MAGI2: variants seen among roughly 807,000 people sequenced by gnomAD.
MAGI2 encodes the protein membrane-associated guanylate kinase, WW and PDZ domain-containing protein 2.
MAGI2 carries 35 observed loss-of-function variants against 133.3 expected under a neutral mutation model. That is an observed-to-expected ratio of 0.26 (90% confidence interval 0.20 to 0.35). The LOEUF (loss-of-function observed/expected upper bound fraction) is 0.35, where lower values mean the gene tolerates loss of function less well. MAGI2 is among the 10% of genes least tolerant of loss of function. MAGI2 has a pLI of 1.00. For synonymous variants in MAGI2, 729 were observed against 710.6 expected (o/e 1.03, Z -0.41); for missense variants, 1,636 against 1,863.4 (o/e 0.88, Z 2.25).
intron 1 of MAGI2, among the ~76,000 whole-genome samples, chr7:79,095,881 T>C (rs1318653759): frequency 6.6e-6 from 1 of 152,132 alleles, no homozygotes; most frequent in Non-Finnish European, 1.5e-5. Flanking sequence ...ATGGCACTAA[T>C]AATTTTGCTC....
chr7:78,083,387 G>GAGAGAGAGA (rs1816229048), intron 20 of MAGI2, among the ~76,000 whole-genome samples: 1 of 33,298 alleles, frequency 3.0e-5, no homozygotes, highest in African/African-American at 1.3e-4. Context: ...AGGGAGGGGG[G>GAGAGAGAGA]GAGAGAGAGA....
intron 1 of MAGI2, among the ~76,000 whole-genome samples, chr7:79,234,522 T>C (rs538074790): frequency 6.6e-6 from 1 of 151,950 alleles, no homozygotes; most frequent in South Asian, 2.1e-4. Flanking sequence ...TAAACTTCCC[T>C]TCTCGCTTCA....
intron 9 of MAGI2, among the ~76,000 whole-genome samples, chr7:78,339,999 A>T (rs770583901): frequency 4.6e-5 from 7 of 152,230 alleles, no homozygotes; most frequent in Non-Finnish European, 7.3e-5. Context: ...AAAATTAAAA[A>T]TGTCAGATGA....
intron 5 of MAGI2, among the ~76,000 whole-genome samples, chr7:78,496,405 T>C (rs1264020934): frequency 7.2e-5 from 11 of 152,158 alleles, no homozygotes; most frequent in Non-Finnish European, 1.2e-4. Context: ...GCAGTCTCTT[T>C]TGTGTCACTA....
At chr7:78,349,934 G>A (rs1200708673) in intron 7 of MAGI2, among the ~76,000 whole-genome samples, 1 of 152,190 alleles carries the variant, frequency 6.6e-6, no homozygotes, top group Non-Finnish European at 1.5e-5. Flanking sequence ...GCTCTGTGAG[G>A]TAAGTACTAG....
intron 21 of MAGI2, among the ~76,000 whole-genome samples, chr7:78,057,411 T>C (rs957847534): frequency 6.6e-6 from 1 of 152,078 alleles, no homozygotes; most frequent in Non-Finnish European, 1.5e-5. Context: ...CCTGGCTAAT[T>C]TTTTGTAATT....
At chr7:79,301,604 G>A (rs1201718602) in intron 1 of MAGI2, among the ~76,000 whole-genome samples, 2 of 152,168 alleles carry the variant, frequency 1.3e-5, no homozygotes, top group Non-Finnish European at 2.9e-5. Flanking sequence ...CTTTGCCTCA[G>A]ATGAGACTTT....
intron 2 of MAGI2, among the ~76,000 whole-genome samples, chr7:78,689,582 A>G (rs1319084807): frequency 6.6e-6 from 1 of 151,962 alleles, no homozygotes; most frequent in Admixed American, 6.6e-5. Context: ...CATGACCGTC[A>G]GGCAACTATT....
chr7:79,030,672 A>C (rs1056020066), intron 1 of MAGI2, among the ~76,000 whole-genome samples: 8 of 152,190 alleles, frequency 5.3e-5, no homozygotes, highest in African/African-American at 1.9e-4. Flanking sequence ...TATTAATGGG[A>C]GTGGCATTAT....
At chr7:79,376,432 G>T (rs1490928720) in intron 1 of MAGI2, among the ~76,000 whole-genome samples, 1 of 151,876 alleles carries the variant, frequency 6.6e-6, no homozygotes, top group Non-Finnish European at 1.5e-5. Flanking sequence ...GAAGTGAGAT[G>T]AATGACAGAG....
At chr7:78,300,181 T>A (rs141213897) in intron 9 of MAGI2, among the ~76,000 whole-genome samples, 183 of 152,356 alleles carry the variant, frequency 1.2e-3, no homozygotes, top group African/African-American at 4.2e-3. Flanking sequence ...TTAATTACTA[T>A]ATTACAACAG....
intron 21 of MAGI2, among the ~76,000 whole-genome samples, chr7:78,028,049 AG>A (rs1249752283): frequency 6.6e-6 from 1 of 152,248 alleles, no homozygotes; most frequent in Non-Finnish European, 1.5e-5. Flanking sequence ...GGCATTCAAA[AG>A]AAAAACCTTT....
At chr7:79,040,048 A>C (rs1811511274) in intron 1 of MAGI2, among the ~76,000 whole-genome samples, 2 of 151,956 alleles carry the variant, frequency 1.3e-5, no homozygotes, top group Admixed American at 1.3e-4. Context: ...TTGTTTCCCC[A>C]CCCAAATTTC....
chr7:79,020,396 G>A (rs543436741), intron 1 of MAGI2, among the ~76,000 whole-genome samples: 1 of 152,154 alleles, frequency 6.6e-6, no homozygotes, highest in African/African-American at 2.4e-5. Flanking sequence ...TAGAAAATCT[G>A]CAGCCCCACA....
intron 1 of MAGI2, among the ~76,000 whole-genome samples, chr7:79,136,015 A>AG (rs1821432562): frequency 7.9e-6 from 1 of 126,334 alleles, no homozygotes; most frequent in African/African-American, 3.7e-5. Flanking sequence ...GAAAGAAAGA[A>AG]AGAAAGAAAG....
intron 9 of MAGI2, among the ~76,000 whole-genome samples, chr7:78,279,082 G>T (rs1795313352): frequency 6.6e-6 from 1 of 152,116 alleles, no homozygotes; most frequent in South Asian, 2.1e-4. Context: ...ATCAGAACTG[G>T]TTTCACACTA....
intron 6 of MAGI2, among the ~76,000 whole-genome samples, chr7:78,397,138 T>C (rs886940467): frequency 6.6e-6 from 1 of 152,020 alleles, no homozygotes; most frequent in Non-Finnish European, 1.5e-5. Context: ...ACCTTAATAA[T>C]GCTCTTTGGT....
At chr7:78,596,488 G>A (rs1001758105) in intron 3 of MAGI2, among the ~76,000 whole-genome samples, 1 of 152,142 alleles carries the variant, frequency 6.6e-6, no homozygotes, top group African/African-American at 2.4e-5. Context: ...GGCTATGATG[G>A]GAACAGAGCA....
intron 3 of MAGI2, among the ~76,000 whole-genome samples, chr7:78,599,206 C>T (rs1804929538): frequency 6.6e-6 from 1 of 152,154 alleles, no homozygotes; most frequent in East Asian, 1.9e-4. Context: ...CATACACACA[C>T]ACAATCTTAT....
Sources: gnomAD v4.1 joint callset for allele counts (sites outside exome capture counted in the v4.1 genomes callset) on GRCh38, gnomAD v4.1.1 for gene constraint, MANE v1.5 for transcripts, NCBI Gene and HGNC (gene_info 2026-07-23, HGNC 2026-07-21) for gene names.